The following GAS6 variants were observed in gnomAD, a reference collection of about 807,000 sequenced individuals.
The protein encoded by GAS6 is growth arrest-specific protein 6.
GAS6 carries 41 observed loss-of-function variants against 75.8 expected under a neutral mutation model. The observed-to-expected ratio is 0.54, with a 90% CI of 0.42 to 0.70. The LOEUF (loss-of-function observed/expected upper bound fraction) is 0.70, where lower values mean the gene tolerates loss of function less well. Ranked by LOEUF, GAS6 falls within the 30% of genes least tolerant of loss-of-function variation. The pLI, the probability that GAS6 is intolerant of heterozygous loss-of-function variation, is 0.00. For missense variants in GAS6, 854 were observed against 940.2 expected, an observed-to-expected ratio of 0.91 and a Z score of 1.20; for synonymous variants, 432 against 412.6, an observed-to-expected ratio of 1.05 and a Z score of -0.57.
chr13:113,829,067 C>T (rs2051592081), intron 10 of GAS6, among the ~76,000 whole-genome samples: 1 of 83,276 alleles, frequency 1.2e-5, no homozygotes, highest in Non-Finnish European at 2.0e-5. Flanking sequence ...ACCACATGAT[C>T]CTCACCTGGG....
Position 113,832,323 on chromosome 13 carries a change from G to A in GAS6, c.1119C>T (p.Val373=). ...CTGTCTGCCACATGCCATGGTTGAT[G>A]ACCGGGCCGCTGCTGGTGACACGGC... is the stretch of plus-strand genomic sequence containing the variant. ...GVGRVTSSGP[V]INHGMWQTIS... Residue 373 remains valine, a synonymous_variant, in exon 10 of 15, where the codon GTC becomes GTT. Transcript: ENST00000327773. 2 of 1,600,506 alleles carry A rather than the reference G, an allele frequency of 1.2e-6. No homozygotes were observed. Among genetic ancestry groups the A allele is most frequent in the Non-Finnish European group, 1.7e-6 (2 of 1,179,798 alleles).
intron 5 of GAS6, among the ~76,000 whole-genome samples, chr13:113,838,636 C>T (rs1594200933): frequency 9.7e-6 from 1 of 103,234 alleles, no homozygotes; most frequent in Non-Finnish European, 1.9e-5. Flanking sequence ...GTGCACAGCC[C>T]AGCCCCGCAG....
Position 113,834,624 on chromosome 13 carries a change from G to T in GAS6, c.761C>A (p.Ser254Tyr). Residue 254 changes from serine (S) to tyrosine (Y), a missense_variant, in exon 8 of 15, where the codon TCC becomes TAC. Coordinates refer to ENST00000327773, the MANE Select transcript of GAS6 (RefSeq NM_000820.4). ...QGRCEQVCVNSPGSYTCHCDG... is the reference protein window; with the variant it reads ...QGRCEQVCVNYPGSYTCHCDG... ...ACAGTGGCAGGTGTAGCTCCCTGGG[G>T]AGTTCACGCAGACCTGCTCACAGCG... is the stretch of plus-strand genomic sequence containing the variant. The T allele has an allele frequency of 6.2e-7, 1 of 1,608,606 alleles. No homozygotes were observed. Among genetic ancestry groups the T allele is most frequent in the South Asian group, 1.1e-5 (1 of 90,666 alleles).
intron 5 of GAS6, 79 bp from the exon 6 acceptor site, chr13:113,838,270 C>T (rs2051737872): frequency 6.4e-7 from 1 of 1,558,684 alleles, no homozygotes; most frequent in Non-Finnish European, 8.7e-7. Flanking sequence ...CCCAGAGGTG[C>T]ACAGCCCAGC....
intron 4 of GAS6, 135 bp from the exon 5 acceptor site, chr13:113,839,985 C>T: frequency 1.6e-6 from 2 of 1,276,114 alleles, no homozygotes; most frequent in Non-Finnish European, 2.2e-6. Context: ...CTGAGGCAGC[C>T]CCTGGGCACC....
At position 113,845,906 on chromosome 13, in the gene GAS6, G is replaced by A. The variant is rs74914813; in HGVS notation, c.343+621C>T. Among the ~76,000 whole-genome samples the A allele has an allele frequency of 0.031, 4,653 of 152,298 alleles. 256 individuals carry two copies. The highest frequency in any genetic ancestry group is 0.11 in the African/African-American group (4,426 of 41,538). On this transcript the variant is annotated intron_variant, in intron 4 of 14. Transcript: ENST00000327773. The surrounding 1 kb of genome is among the most constrained non-coding windows in gnomAD (Gnocchi z 4.3). ...GTATCTGTATCCAAAGGAAACATGA[G>A]GACTGCCTCTGCGATTCCATCCTTG... is the stretch of plus-strand genomic sequence containing the variant.
intron 2 of GAS6, among the ~76,000 whole-genome samples, chr13:113,852,454 G>A (rs1486836218): frequency 6.6e-6 from 1 of 152,196 alleles, no homozygotes; most frequent in African/African-American, 2.4e-5. Flanking sequence ...GCAGCTTGGA[G>A]GGAGCTGAGC....
In GAS6 at chr13:113,838,116, G is replaced by C; in HGVS notation, c.542C>G (p.Ser181Cys). Residue 181 changes from serine (S) to cysteine (C), a missense_variant, in exon 6 of 15, where the codon TCC (serine) becomes TGC (cysteine). By Grantham distance (112) the Ser-to-Cys change is moderately radical. Transcript: ENST00000327773. Reference protein sequence around the residue: ...CHNKPGSFHCSCHSGFELSSD... With the variant: ...CHNKPGSFHCCCHSGFELSSD... Reference sequence around the variant, plus strand: ...GGAGAGCTCGAAGCCGCTGTGGCAGGAACAGTGGAAGCTACCCGGCTTGTT... The same window carrying C: ...GGAGAGCTCGAAGCCGCTGTGGCAGCAACAGTGGAAGCTACCCGGCTTGTT... 1 of 1,612,924 alleles carries C rather than the reference G, an allele frequency of 6.2e-7. No individual in the cohort carries two copies. Among genetic ancestry groups the C allele is most frequent in the Non-Finnish European group, 8.5e-7 (1 of 1,179,912 alleles).
chr13:113,842,576 A>G (rs1328198429), intron 4 of GAS6: 12 of 396,726 alleles, frequency 3.0e-5, no homozygotes, highest in Non-Finnish European at 4.9e-5. Flanking sequence ...TCTGGCCTGA[A>G]CTAGAGAAAT....
At chr13:113,823,680 C>T (rs1004323368) in intron 12 of GAS6, 130 bp from the exon 13 acceptor site, 6 of 896,472 alleles carry the variant, frequency 6.7e-6, no homozygotes, top group Non-Finnish European at 9.9e-6. Context: ...GGATCTGGGA[C>T]GTGATGGAAA....
chr13:113,823,334 G>T (rs1340658944), intron 13 of GAS6, 41 bp downstream of exon 13: 2 of 1,569,060 alleles, frequency 1.3e-6, no homozygotes, highest in African/African-American at 2.7e-5. Flanking sequence ...CGTACCCGTG[G>T]GTCGAGCCGG....
Position 113,823,458 on chromosome 13 carries a change from C to T in GAS6, c.1570G>A (p.Ala524Thr). The change falls in exon 13 of 15, where the codon GCG (alanine) becomes ACG (threonine). Residue 524 changes from alanine (A) to threonine (T), a missense_variant. Physicochemically the swap from Ala to Thr is moderately conservative, Grantham distance 58 (BLOSUM62 0). Transcript: ENST00000327773. ...RPAADTGVLF[A>T]LWAPDLRAVP... Reference sequence around the variant, plus strand: ...GCACGGAGGTCGGGGGCCCAGAGCGCAAACAGCACGCCTGTGTCTGCGGCT... The same window carrying T: ...GCACGGAGGTCGGGGGCCCAGAGCGTAAACAGCACGCCTGTGTCTGCGGCT... The T allele has an allele frequency of 6.2e-7, 1 of 1,612,784 alleles. No homozygotes were observed. The highest frequency in any genetic ancestry group is 8.5e-7 in the Non-Finnish European group (1 of 1,179,960).
intron 13 of GAS6, 136 bp from the exon 14 acceptor site, chr13:113,822,322 G>C (rs2051472064): frequency 1.6e-6 from 1 of 636,070 alleles, no homozygotes; most frequent in Non-Finnish European, 2.5e-6. Context: ...GCAGCCCTGG[G>C]TCTGGATGCT....
Position 113,852,566 on chromosome 13 carries a change from T to C in GAS6, c.256-4516A>G, listed in dbSNP as rs186140434. Among the ~76,000 whole-genome samples, 388 of 152,324 alleles carry C rather than the reference T, an allele frequency of 2.5e-3. 7 individuals carry two copies. The highest frequency in any genetic ancestry group is 7.9e-4 in the Non-Finnish European group (54 of 68,016). ...ATGAGTAGATGCCACCTCCGGACCC[T>C]GGCATCCGCCTCTGCTGCCTTTGCT... On this transcript the variant is annotated intron_variant, in intron 2 of 14. Coordinates refer to ENST00000327773, the MANE Select transcript of GAS6 (RefSeq NM_000820.4).
At chr13:113,822,231 C>CG in intron 13 of GAS6, 45 bp from the exon 14 acceptor site, 1 of 1,432,648 alleles carries the variant, frequency 7.0e-7, no homozygotes, top group Non-Finnish European at 9.4e-7. Context: ...GCCACCCCTA[C>CG]GTGAGCTGTT....
intron 5 of GAS6, 161 bp downstream of exon 5, chr13:113,839,567 A>G: frequency 1.1e-6 from 1 of 877,792 alleles, no homozygotes; most frequent in South Asian, 1.9e-5. Flanking sequence ...AGCTCCTCCC[A>G]ATTCTCCTGG....
At chr13:113,825,664 A>G (rs890009206) in intron 12 of GAS6, among the ~76,000 whole-genome samples, 3 of 152,242 alleles carry the variant, frequency 2.0e-5, no homozygotes, top group Non-Finnish European at 4.4e-5. Flanking sequence ...AGCATTTCAT[A>G]TGACATGATT....
chr13:113,821,459 G>C (rs1367079568), intron 14 of GAS6: 1 of 231,662 alleles, frequency 4.3e-6, no homozygotes, highest in South Asian at 8.5e-5. Flanking sequence ...CGGCTCCCAC[G>C]TGCCTTTCCG....
At chr13:113,839,694 G>C (rs757506988) in intron 5 of GAS6, 34 bp downstream of exon 5, 1 of 1,609,408 alleles carries the variant, frequency 6.2e-7, no homozygotes, top group South Asian at 1.1e-5. Flanking sequence ...CGGAGATGGA[G>C]GGAGACCCCG....
Sources: allele counts gnomAD v4.1 joint callset (sites outside exome capture counted in the v4.1 genomes callset), GRCh38; gene constraint gnomAD v4.1.1; non-coding constraint Gnocchi (gnomAD v3.1); transcripts MANE v1.5; gene names NCBI Gene and HGNC (gene_info 2026-07-23, HGNC 2026-07-21).